The following TBL1X variants were observed in gnomAD, a reference collection of about 807,000 sequenced individuals.
TBL1X encodes transducin beta like 1 X-linked.
In TBL1X, 10 loss-of-function variants were observed where a neutral mutation model predicts 50.7. The observed-to-expected ratio is 0.20, with a 90% CI of 0.12 to 0.33. The LOEUF is 0.33. TBL1X is among the 10% of genes least tolerant of loss of function. The probability of loss-of-function intolerance (pLI) is 1.00; values close to 1 mark genes in which losing one functional copy is unlikely to be tolerated. For missense variants in TBL1X, 340 were observed against 504.4 expected (o/e 0.67, Z 3.12); for synonymous variants, 190 against 214.7 (o/e 0.88, Z 1.01).
chrX:9,694,481 G>A (rs1424180310), intron 11 of TBL1X, among the ~76,000 whole-genome samples: 1 of 111,280 alleles, frequency 9.0e-6, no homozygotes, highest in Non-Finnish European at 1.9e-5. Context: ...TGTAATCCCA[G>A]CTACTTAGAG....
At chrX:9,569,056 A>G (rs368895220) in intron 2 of TBL1X, among the ~76,000 whole-genome samples, 3 of 43,789 alleles carry the variant, frequency 6.9e-5, no homozygotes, top group African/African-American at 2.0e-4. Context: ...GTGTGTGTCT[A>G]TCTGTGCTGT....
chrX:9,574,920 C>T (rs1225236062), intron 2 of TBL1X, among the ~76,000 whole-genome samples: 1 of 111,954 alleles, frequency 8.9e-6, no homozygotes, highest in Non-Finnish European at 1.9e-5. Flanking sequence ...TTTGTGTATT[C>T]GCAGAGTTGT....
intron 3 of TBL1X, among the ~76,000 whole-genome samples, chrX:9,641,136 A>G (rs780020614): frequency 8.9e-6 from 1 of 112,199 alleles, no homozygotes; most frequent in Admixed American, 9.5e-5. Flanking sequence ...GTTTCTTAAT[A>G]TGATTTGTGT....
intron 5 of TBL1X, among the ~76,000 whole-genome samples, chrX:9,665,489 CTATATATATATATATA>C (rs56756151): frequency 0.056 from 1,099 of 19,792 alleles, 91 homozygotes; most frequent in African/African-American, 0.14. Flanking sequence ...GATATTCAAG[CTATATATATATATATA>C]TATATATATA....
intron 2 of TBL1X, among the ~76,000 whole-genome samples, chrX:9,609,485 G>GGAAGCATTTGAGA (rs1449332399): frequency 9.2e-6 from 1 of 109,042 alleles, no homozygotes; most frequent in Non-Finnish European, 1.9e-5. Context: ...ACCTTCTCCA[G>GGAAGCATTTGAGA]GAAGCATTTG....
intron 2 of TBL1X, among the ~76,000 whole-genome samples, chrX:9,570,359 A>G (rs1194299454): frequency 1.8e-5 from 2 of 112,086 alleles, no homozygotes; most frequent in African/African-American, 6.5e-5. Context: ...CTCAAGCCCA[A>G]GAGACAGGAA....
At chrX:9,469,858 T>C (rs903152198) in intron 1 of TBL1X, among the ~76,000 whole-genome samples, 4 of 112,513 alleles carry the variant, frequency 3.6e-5, no homozygotes, top group African/African-American at 1.3e-4. Flanking sequence ...TAACACATGG[T>C]GGAATGCCTT....
At chrX:9,565,252 G>A (rs1292742912) in intron 2 of TBL1X, among the ~76,000 whole-genome samples, 33 of 81,891 alleles carry the variant, frequency 4.0e-4, no homozygotes, top group South Asian at 2.1e-3. Flanking sequence ...AGCCTGGGTG[G>A]CAGAGCGAGA....
chrX:9,714,961 C>T lies in TBL1X; in HGVS notation c.1665C>T (p.Asn555=), dbSNP rs756216237. ...GTGGIFEVCW[N]ARGDKVGASA... ...GCGGCATCTTCGAGGTGTGCTGGAA[C>T]GCCCGAGGAGACAAAGTGGGTGCCA... The change falls in exon 17 of 18, where the codon AAC becomes AAT. Residue 555 remains asparagine, a synonymous_variant. Transcript: ENST00000645353. 9.9e-6 allele frequency: 12 copies of T among 1,211,656 alleles called. No individual in the cohort carries two copies. The highest frequency in any genetic ancestry group is 6.5e-5 in the Admixed American group (3 of 46,066).
Position 9,653,593 on chromosome X carries a change from G to A in TBL1X, c.7G>A (p.Glu3Lys). ...CATCGAGGTGACATGTAGCATGACC[G>A]AGCTCGCTGGCGCCTCTTCATCGTG... MT[E>K]LAGASSSCCH... The change falls in exon 4 of 18, where the codon GAG becomes AAG. Residue 3 changes from glutamate (E) to lysine (K), a missense_variant. Around this residue, in one of 6 missense-constraint regions of TBL1X, gnomAD observed 41 missense variants for 48.6 expected, o/e 0.84. Coordinates refer to ENST00000645353, the MANE Select transcript of TBL1X (RefSeq NM_005647.4). 1 of 1,169,026 alleles carries A rather than the reference G, an allele frequency of 8.6e-7. No homozygotes were observed. The highest frequency in any genetic ancestry group is 1.1e-6 in the Non-Finnish European group (1 of 873,572).
intron 2 of TBL1X, among the ~76,000 whole-genome samples, chrX:9,555,393 A>G (rs1179495006): frequency 3.6e-5 from 4 of 111,790 alleles, no homozygotes; most frequent in Non-Finnish European, 7.5e-5. Flanking sequence ...TTTTATTGTT[A>G]GATAATATTC....
intron 2 of TBL1X, among the ~76,000 whole-genome samples, chrX:9,609,422 G>C (rs996649033): frequency 9.3e-6 from 1 of 107,475 alleles, no homozygotes; most frequent in Non-Finnish European, 1.9e-5. Context: ...GTGTGTGTGT[G>C]TGTGTGTGTG....
chrX:9,480,986 A>G (rs1232307384), intron 1 of TBL1X, among the ~76,000 whole-genome samples: 1 of 111,623 alleles, frequency 9.0e-6, no homozygotes, highest in Non-Finnish European at 1.9e-5. Flanking sequence ...GTTTTAGTAT[A>G]TGTTATCAGT....
At chrX:9,543,560 G>T (rs753724298) in intron 2 of TBL1X, among the ~76,000 whole-genome samples, 1 of 110,081 alleles carries the variant, frequency 9.1e-6, no homozygotes, top group Admixed American at 9.6e-5. Flanking sequence ...AGGCAGAGCT[G>T]TCAGAGTGTG....
intron 2 of TBL1X, among the ~76,000 whole-genome samples, chrX:9,589,739 C>T (rs5934655): frequency 0.14 from 15,854 of 111,271 alleles, 1,460 homozygotes; most frequent in African/African-American, 0.34. Flanking sequence ...CACTGAGAGA[C>T]GTATGTTCAT....
At chrX:9,476,445 A>G (rs2081849902) in intron 1 of TBL1X, among the ~76,000 whole-genome samples, 1 of 112,401 alleles carries the variant, frequency 8.9e-6, no homozygotes, top group African/African-American at 3.2e-5. Context: ...TTAATTAATC[A>G]TTTGCTTATT....
chrX:9,586,506 T>C (rs2082470598), intron 2 of TBL1X, among the ~76,000 whole-genome samples: 1 of 111,287 alleles, frequency 9.0e-6, no homozygotes. Flanking sequence ...AAATGGGGAA[T>C]TGTTGAATGG....
chrX:9,579,997 G>A (rs557392108), intron 2 of TBL1X, among the ~76,000 whole-genome samples: 7 of 111,930 alleles, frequency 6.3e-5, no homozygotes, highest in South Asian at 7.5e-4. Context: ...TACTGTCGAC[G>A]TAAAGAGTCA....
chrX:9,516,988 T>C (rs1315048241), intron 2 of TBL1X, among the ~76,000 whole-genome samples: 1 of 111,870 alleles, frequency 8.9e-6, no homozygotes, highest in Non-Finnish European at 1.9e-5. Flanking sequence ...TGTCTTGCTA[T>C]TTTGTTACAG....
Sources: gnomAD v4.1 joint callset for allele counts (sites outside exome capture counted in the v4.1 genomes callset) on GRCh38, gnomAD v4.1.1 for gene constraint, gnomAD v4.1.1 regional missense constraint, MANE v1.5 for transcripts, NCBI Gene and HGNC (gene_info 2026-07-23, HGNC 2026-07-21) for gene names.